Variants in CCDC178 observed in about 807,000 individuals in gnomAD.
CCDC178 encodes the protein coiled-coil domain containing 178, also known as coiled-coil domain-containing protein 178.
In CCDC178, 126 loss-of-function variants were observed where a neutral mutation model predicts 117.4. The ratio of observed to expected loss-of-function variants is 1.07; its 90% CI spans 0.93 to 1.24. The LOEUF is 1.24. Ranked by LOEUF, CCDC178 falls within the 50% of genes most tolerant of loss-of-function variation. The pLI is 0.00. For synonymous variants in CCDC178, 283 were observed against 313.4 expected (o/e 0.90, Z 1.02); for missense variants, 1,030 against 986.9 (o/e 1.04, Z -0.59).
chr18:33,079,684 T>A (rs1431854340), intron 21 of CCDC178, among the ~76,000 whole-genome samples: 3 of 152,182 alleles, frequency 2.0e-5, no homozygotes, highest in African/African-American at 7.2e-5. Flanking sequence ...AAAAGCCCAA[T>A]ATCACTGATC....
At chr18:33,026,149 T>C (rs971406104) in intron 21 of CCDC178, among the ~76,000 whole-genome samples, 5 of 152,122 alleles carry the variant, frequency 3.3e-5, no homozygotes, top group African/African-American at 9.6e-5. Flanking sequence ...TATGACATTC[T>C]TGAAATGAAA....
At chr18:33,224,487 T>C (rs1435521922) in intron 17 of CCDC178, among the ~76,000 whole-genome samples, 1 of 152,158 alleles carries the variant, frequency 6.6e-6, no homozygotes, top group Non-Finnish European at 1.5e-5. Flanking sequence ...GAGTGAAGAC[T>C]TTGAATCAAG....
chr18:33,281,257 T>C (rs1031148618), intron 12 of CCDC178, among the ~76,000 whole-genome samples: 5 of 152,008 alleles, frequency 3.3e-5, no homozygotes, highest in African/African-American at 1.2e-4. Context: ...TTTTCTTAGT[T>C]CTCCATTTCA....
In CCDC178 at chr18:33,084,857, A is replaced by G. The variant is rs569185556; in HGVS notation, c.2388+7904T>C. Among the ~76,000 whole-genome samples, 34 of 151,934 alleles carry G rather than the reference A, an allele frequency of 2.2e-4. 1 individual carries two copies. The South Asian group carries it at 5.2e-3, about 23-fold the overall frequency. ...AGATTTGGATTAATTTCTCCAATTC[A>G]TGTGTCATTGCTGAGTCTATCCCTC... is the stretch of plus-strand genomic sequence containing the variant. On this transcript the variant is annotated intron_variant, in intron 21 of 22. Transcript: ENST00000383096.
In CCDC178 at chr18:33,247,483, C is replaced by A. The variant is rs138084127; in HGVS notation, c.1410-2055G>T. Among the ~76,000 whole-genome samples, 821 of 151,738 alleles carry A rather than the reference C, an allele frequency of 5.4e-3. 7 individuals carry two copies. Among genetic ancestry groups the A allele is most frequent in the Middle Eastern group, 0.024 (7 of 294 alleles). ...ATAGTTTTGAAATAGAACCAAAAAA[C>A]CCCAAATTGAGAAGAGACAAAGAGA... On this transcript the variant is annotated intron_variant, in intron 14 of 22. Coordinates refer to ENST00000383096, the MANE Select transcript of CCDC178 (RefSeq NM_001105528.4).
intron 14 of CCDC178, among the ~76,000 whole-genome samples, chr18:33,252,903 A>G (rs1192479728): frequency 6.6e-6 from 1 of 151,816 alleles, no homozygotes; most frequent in African/African-American, 2.4e-5. Flanking sequence ...CTTGAATGTA[A>G]GAAAATGACT....
At chr18:33,154,308 T>C (rs925323753) in intron 20 of CCDC178, among the ~76,000 whole-genome samples, 1 of 151,924 alleles carries the variant, frequency 6.6e-6, no homozygotes, top group Non-Finnish European at 1.5e-5. Flanking sequence ...CAGAGAAAAA[T>C]AAGAGTGTCT....
chr18:33,039,882 T>C (rs2056515474), intron 21 of CCDC178, among the ~76,000 whole-genome samples: 1 of 151,966 alleles, frequency 6.6e-6, no homozygotes, highest in African/African-American at 2.4e-5. Flanking sequence ...AAGACACTTA[T>C]TTGCCTTTTT....
chr18:33,329,884 T>A (rs900292629), intron 10 of CCDC178, among the ~76,000 whole-genome samples: 5 of 143,434 alleles, frequency 3.5e-5, no homozygotes, highest in South Asian at 2.2e-4. Flanking sequence ...AGAGTGTGTG[T>A]GTGTGTGTGT....
At chr18:33,409,894 T>C (rs1001805197) in intron 3 of CCDC178, among the ~76,000 whole-genome samples, 5 of 152,210 alleles carry the variant, frequency 3.3e-5, no homozygotes, top group African/African-American at 7.2e-5. Context: ...TAAAAGACAA[T>C]TTATTAACTA....
intron 2 of CCDC178, among the ~76,000 whole-genome samples, chr18:33,434,418 C>G (rs773832336): frequency 6.6e-6 from 1 of 152,214 alleles, no homozygotes; most frequent in Admixed American, 6.5e-5. Flanking sequence ...TTGGACCCTA[C>G]TGATATAATT....
intron 20 of CCDC178, among the ~76,000 whole-genome samples, chr18:33,118,504 C>A (rs894195133): frequency 6.6e-6 from 1 of 152,066 alleles, no homozygotes; most frequent in African/African-American, 2.4e-5. Flanking sequence ...AGAAGGACCT[C>A]TTCAAGAACT....
At chr18:33,345,200 A>G (rs542726278) in intron 9 of CCDC178, among the ~76,000 whole-genome samples, 12 of 152,246 alleles carry the variant, frequency 7.9e-5, no homozygotes, top group African/African-American at 2.6e-4. Context: ...AAAAGCTCTT[A>G]CAAAACATGT....
intron 20 of CCDC178, among the ~76,000 whole-genome samples, chr18:33,109,735 T>C (rs575933597): frequency 0.095 from 14,343 of 151,360 alleles, 865 homozygotes; most frequent in African/African-American, 0.17. Context: ...TATATTCTCT[T>C]GAGTCGGGTA....
chr18:32,996,934 A>G (rs1270378262), intron 21 of CCDC178, among the ~76,000 whole-genome samples: 1 of 152,234 alleles, frequency 6.6e-6, no homozygotes, highest in Non-Finnish European at 1.5e-5. Flanking sequence ...TAGATGAATT[A>G]GCACAAATGT....
chr18:33,246,993 T>C (rs750624036), intron 14 of CCDC178, among the ~76,000 whole-genome samples: 29 of 151,624 alleles, frequency 1.9e-4, no homozygotes, highest in Non-Finnish European at 3.8e-4. Context: ...AGCAATGACA[T>C]AATTTCAATT....
At chr18:33,143,668 T>G in intron 20 of CCDC178, among the ~76,000 whole-genome samples, 1 of 152,116 alleles carries the variant, frequency 6.6e-6, no homozygotes, top group East Asian at 1.9e-4. Flanking sequence ...GCGTGATGGT[T>G]ATCAGTATAT....
chr18:32,950,568 C>T (rs2054458608), intron 22 of CCDC178, among the ~76,000 whole-genome samples: 1 of 152,082 alleles, frequency 6.6e-6, no homozygotes, highest in East Asian at 1.9e-4. Context: ...CTTTTAAAAA[C>T]ATTTCCTGGT....
At chr18:32,989,947 G>A (rs1040623891) in intron 21 of CCDC178, among the ~76,000 whole-genome samples, 1 of 152,130 alleles carries the variant, frequency 6.6e-6, no homozygotes, top group East Asian at 1.9e-4. Context: ...AAGGCTGCAT[G>A]TAAGATTGAT....
Sources: allele counts gnomAD v4.1 joint callset (sites outside exome capture counted in the v4.1 genomes callset), GRCh38; gene constraint gnomAD v4.1.1; transcripts MANE v1.5; gene names NCBI Gene and HGNC (gene_info 2026-07-23, HGNC 2026-07-21).